KIN: variants seen among roughly 807,000 people sequenced by gnomAD.
KIN encodes the protein Kin17 DNA and RNA binding protein.
Under a neutral mutation model 63.0 loss-of-function variants are expected in KIN, and 47 were observed. That is an observed-to-expected ratio of 0.75 (90% CI 0.59 to 0.95). The LOEUF is 0.95. KIN is among the 40% of genes least tolerant of loss of function. KIN has a pLI of 0.00. For synonymous variants in KIN, 160 were observed against 157.7 expected (o/e 1.01, Z -0.11); for missense variants, 408 against 460.9 (o/e 0.89, Z 1.05).
intron 1 of KIN, among the ~76,000 whole-genome samples, chr10:7,786,462 T>C (rs1836009318): frequency 6.6e-6 from 1 of 152,186 alleles, no homozygotes; most frequent in Non-Finnish European, 1.5e-5. Flanking sequence ...ACTGCATGTC[T>C]GCGTCCCCTC....
chr10:7,764,033 T>TA (rs1835492053), intron 9 of KIN, among the ~76,000 whole-genome samples: 2 of 152,174 alleles, frequency 1.3e-5, no homozygotes, highest in African/African-American at 4.8e-5. Flanking sequence ...TACATATATA[T>TA]AAAAAATGTC....
intron 7 of KIN, 91 bp from the exon 8 acceptor site, chr10:7,769,436 G>C: frequency 7.7e-7 from 1 of 1,304,026 alleles, no homozygotes; most frequent in Non-Finnish European, 1.1e-6. Flanking sequence ...GAATAAATGT[G>C]TGACATAGTA....
At position 7,782,048 on chromosome 10, in the gene KIN, A is replaced by G. The variant is rs1038611666; in HGVS notation, c.209+1033T>C. On this transcript the variant is annotated intron_variant, in intron 2 of 12. Transcript: ENST00000379562. ...ACTCCAGCCTGGGCAACAAGAGCGA[A>G]ACTCCCGTCTCAATAATAATAACAA... 2.3e-4 allele frequency among the ~76,000 whole-genome samples: 35 copies of G among 152,288 alleles called. No homozygotes were observed. In the Middle Eastern group the frequency reaches 0.014, roughly 59 times the overall value.
intron 11 of KIN, among the ~76,000 whole-genome samples, chr10:7,760,822 G>T (rs11255345): frequency 0.33 from 49,431 of 151,918 alleles, 8,450 homozygotes; most frequent in East Asian, 0.48. Context: ...TTCACTGGTG[G>T]TCTTGGAAGG....
At chr10:7,757,972 C>G (rs1405717312) in intron 12 of KIN, among the ~76,000 whole-genome samples, 1 of 147,924 alleles carries the variant, frequency 6.8e-6, no homozygotes, top group East Asian at 2.0e-4. Context: ...AAAATAACCA[C>G]TTGCAAAGCT....
In KIN at chr10:7,756,121, C is replaced by T. The variant is rs200055464; in HGVS notation, c.1141G>A (p.Val381Ile). 19 of 1,589,612 alleles carry T rather than the reference C, an allele frequency of 1.2e-5. No individual in the cohort carries two copies. Among genetic ancestry groups the T allele is most frequent in the Admixed American group, 1.8e-5 (1 of 56,692 alleles). ...ATGTCTTCATATTGAATTCCTTCAA[C>T]TCTGCGTCCTTTTAAAGGGCCCTAC... ...IETGPLKGRR[V>I]EGIQYEDISK... Residue 381 changes from valine (V) to isoleucine (I), a missense_variant, in exon 13 of 13, where the codon GTT becomes ATT. Physicochemically the swap from Val to Ile is conservative, Grantham distance 29. This residue lies in a region of KIN where 298 missense variants were observed against 296.0 expected (regional missense o/e 1.01). Transcript: ENST00000379562.
At position 7,752,498 on chromosome 10, in the gene KIN, TC is replaced by T. The variant is rs1835258962; in HGVS notation, c.*3581del. 6.6e-6 allele frequency: 1 copy of T among 152,196 alleles called. No homozygotes were observed. Among genetic ancestry groups the T allele is most frequent in the Admixed American group, 6.5e-5 (1 of 15,276 alleles). The allele number at this position is 152,196 out of a possible 1,614,324, so 9.4% of individuals were successfully genotyped here. ...TTTGAATACAAAATGGTACAGTCAC[TC>T]TGGAAGACAGGTTGGTAGTTTCTCA... On this transcript the variant is annotated 3_prime_UTR_variant, in exon 13 of 13. Transcript: ENST00000379562.
chr10:7,769,354 C>G lies in KIN; in HGVS notation c.669-9G>C. ...CACTCGGTCCCAGAGTACTGATGAA[C>G]AGGAGAACCATGCTTGTTACCAAGA... On this transcript the variant is annotated splice_polypyrimidine_tract_variant and intron_variant, in intron 7 of 12. Transcript: ENST00000379562. 6.2e-7 allele frequency: 1 copy of G among 1,606,524 alleles called. No individual in the cohort carries two copies. Among genetic ancestry groups the G allele is most frequent in the Non-Finnish European group, 8.5e-7 (1 of 1,177,814 alleles).
rs945000459 is a variant in KIN at position 7,754,326 on chromosome 10, C to A, written c.*1754G>T. 4 of 294,252 alleles carry A rather than the reference C, an allele frequency of 1.4e-5. No individual in the cohort carries two copies. Among genetic ancestry groups the A allele is most frequent in the Admixed American group, 1.3e-4 (3 of 23,186 alleles). The allele number at this position is 294,252 out of a possible 1,614,324, so 18.2% of individuals were successfully genotyped here. On this transcript the variant is annotated 3_prime_UTR_variant, in exon 13 of 13. Transcript: ENST00000379562. ...CTCCAGGCTGGATGACAGAGCAAGA[C>A]CCTATCTCAAAAAACAGAACAAAAA...
At chr10:7,759,630 A>G (rs754525919) in intron 12 of KIN, among the ~76,000 whole-genome samples, 6 of 152,044 alleles carry the variant, frequency 3.9e-5, no homozygotes, top group Non-Finnish European at 7.4e-5. Context: ...CTGGGGGACT[A>G]TGATTAATTT....
Position 7,787,565 on chromosome 10 carries a change from A to C in KIN, c.114+255T>G, listed in dbSNP as rs1429064178. Among the ~76,000 whole-genome samples the C allele has an allele frequency of 6.6e-5, 10 of 152,174 alleles. No homozygotes were observed. The East Asian group carries it at 1.9e-3, about 29-fold the overall frequency. ...GGGGTGCAAAACCTTTTCTGATTTC[A>C]TTTCTTTGGTGGTGGGGATCGGACT... On this transcript the variant is annotated intron_variant, in intron 1 of 12. Coordinates refer to ENST00000379562, the MANE Select transcript of KIN (RefSeq NM_012311.4).
intron 12 of KIN, among the ~76,000 whole-genome samples, chr10:7,759,140 CTAAG>C (rs1453557548): frequency 1.3e-5 from 2 of 152,138 alleles, no homozygotes; most frequent in African/African-American, 4.8e-5. Flanking sequence ...ATTAAACTCT[CTAAG>C]TGAGCTATTA....
At position 7,751,235 on chromosome 10, in the gene KIN, C is replaced by G. The variant is rs1013400501; in HGVS notation, c.*4845G>C. On this transcript the variant is annotated 3_prime_UTR_variant, in exon 13 of 13. Coordinates refer to ENST00000379562, the MANE Select transcript of KIN (RefSeq NM_012311.4). Reference sequence around the variant, plus strand: ...CAAAAGTCAAATTGGTGAACTTGCACTTTAAAAAAGCTTTTTAAAGGCACA... The same window carrying G: ...CAAAAGTCAAATTGGTGAACTTGCAGTTTAAAAAAGCTTTTTAAAGGCACA... 4.6e-5 allele frequency: 7 copies of G among 152,168 alleles called. No individual in the cohort carries two copies. The highest frequency in any genetic ancestry group is 1.0e-4 in the Non-Finnish European group (7 of 68,032). 9.4% of individuals were successfully genotyped at this position (152,168 alleles called of 1,614,324 possible).
intron 2 of KIN, among the ~76,000 whole-genome samples, chr10:7,782,707 A>G (rs1241176724): frequency 6.6e-6 from 1 of 152,100 alleles, no homozygotes; most frequent in African/African-American, 2.4e-5. Flanking sequence ...TCTTAGTGCC[A>G]TTTTAGAGAT....
chr10:7,782,909 G>GT (rs1428896948), intron 2 of KIN, among the ~76,000 whole-genome samples, 172 bp downstream of exon 2: 1 of 152,002 alleles, frequency 6.6e-6, no homozygotes, highest in African/African-American at 2.4e-5. Flanking sequence ...AAATAATTTT[G>GT]TAACAGTTTT....
chr10:7,776,534 G>A (rs1039926603), intron 5 of KIN, among the ~76,000 whole-genome samples: 2 of 150,568 alleles, frequency 1.3e-5, no homozygotes, highest in Non-Finnish European at 1.5e-5. Flanking sequence ...AGAGCGAGAC[G>A]AGCCTGGCCA....
chr10:7,779,303 A>G (rs1172933578), intron 4 of KIN, among the ~76,000 whole-genome samples: 1 of 152,126 alleles, frequency 6.6e-6, no homozygotes, highest in Non-Finnish European at 1.5e-5. Flanking sequence ...GCTACTCAGG[A>G]GGCTGAGGCA....
chr10:7,767,741 C>G (rs978579171), intron 8 of KIN, among the ~76,000 whole-genome samples: 47 of 151,976 alleles, frequency 3.1e-4, no homozygotes, highest in African/African-American at 1.1e-3. Context: ...TGCCTGTAAT[C>G]CCAGCTACTC....
In KIN at chr10:7,754,389, C is replaced by T. The variant is rs1013412838; in HGVS notation, c.*1691G>A. On this transcript the variant is annotated 3_prime_UTR_variant, in exon 13 of 13. Coordinates refer to ENST00000379562, the MANE Select transcript of KIN (RefSeq NM_012311.4). ...GTGGCTCATGCCTGTAATCCCAGCA[C>T]TTTGGGAGGCTGAGGCGGGCAGATC... is the stretch of plus-strand genomic sequence containing the variant. 8.9e-6 allele frequency: 2 copies of T among 225,130 alleles called. No individual in the cohort carries two copies. The highest frequency in any genetic ancestry group is 1.8e-5 in the Non-Finnish European group (2 of 110,484). 13.9% of individuals were successfully genotyped at this position (225,130 alleles called of 1,614,324 possible). A position where few individuals can be genotyped will look rare whatever the true frequency, so the allele number is the denominator to read the frequency against.
Sources: gnomAD v4.1 joint callset for allele counts (sites outside exome capture counted in the v4.1 genomes callset) on GRCh38, gnomAD v4.1.1 for gene constraint, gnomAD v4.1.1 regional missense constraint, MANE v1.5 for transcripts, NCBI Gene and HGNC (gene_info 2026-07-23, HGNC 2026-07-21) for gene names.